Variants in C2orf76 observed in about 807,000 individuals in gnomAD.
C2orf76 encodes the protein UPF0538 protein C2orf76.
C2orf76 carries 23 observed loss-of-function variants against 16.9 expected under a neutral mutation model. That is an observed-to-expected ratio of 1.36 (90% CI 0.98 to 1.93). The LOEUF is 1.93. Ranked by LOEUF, C2orf76 falls within the 30% of genes most tolerant of loss-of-function variation. The pLI is 0.00. For synonymous variants in C2orf76, 48 were observed against 52.3 expected (o/e 0.92, Z 0.35); for missense variants, 152 against 152.6 (o/e 1.00, Z 0.02).
the C2orf76 span, among the ~76,000 whole-genome samples, chr2:119,283,305 G>A: frequency 6.6e-6 from 1 of 152,078 alleles, no homozygotes; most frequent in Non-Finnish European, 1.5e-5. Flanking sequence ...CTTCCAGTCC[G>A]CCTCTCAGTG....
At chr2:119,364,035 G>C (rs960874323) in intron 1 of C2orf76, among the ~76,000 whole-genome samples, 2 of 147,912 alleles carry the variant, frequency 1.4e-5, no homozygotes, top group African/African-American at 5.0e-5. Context: ...TAGAGAGAGA[G>C]AGAGAGACAG....
chr2:119,309,167 C>T (rs1048754175), intron 5 of C2orf76, among the ~76,000 whole-genome samples: 3 of 152,132 alleles, frequency 2.0e-5, no homozygotes, highest in Non-Finnish European at 2.9e-5. Flanking sequence ...GCTAGGATTA[C>T]AAGCATGAGC....
chr2:119,292,662 T>C, the C2orf76 span, among the ~76,000 whole-genome samples: 1 of 152,138 alleles, frequency 6.6e-6, no homozygotes, highest in Non-Finnish European at 1.5e-5. Flanking sequence ...CTAGAGAGTG[T>C]ATTCAGTCTA....
At chr2:119,351,799 C>G (rs1680415896) in intron 1 of C2orf76, among the ~76,000 whole-genome samples, 1 of 152,004 alleles carries the variant, frequency 6.6e-6, no homozygotes, top group Non-Finnish European at 1.5e-5. Flanking sequence ...TTGACTTCAG[C>G]TGGGAATGTA....
Position 119,311,622 on chromosome 2 carries a change from C to T in C2orf76, c.304G>A (p.Ala102Thr), listed in dbSNP as rs200198648. ...EDSTLKAAGI[A>T]SETEIAFFCE... ...AGCAACACAAGGCCCCCTTCCTCAC[C>T]GATTCCAGCTGCTTTCAGAGTGCTG... The change falls in exon 5 of 6, where the codon GCC (alanine) becomes ACC (threonine). Residue 102 changes from alanine (A) to threonine (T), a missense_variant and splice_region_variant. Transcript: ENST00000334816. The T allele has an allele frequency of 8.1e-6, 13 of 1,613,136 alleles. No individual in the cohort carries two copies. The highest frequency in any genetic ancestry group is 1.7e-5 in the Admixed American group (1 of 59,844).
intron 2 of C2orf76, among the ~76,000 whole-genome samples, chr2:119,337,803 A>C (rs1332601563): frequency 6.6e-6 from 1 of 152,214 alleles, no homozygotes; most frequent in Non-Finnish European, 1.5e-5. Flanking sequence ...GGTGGGTCTG[A>C]GCATCTCACT....
chr2:119,350,554 T>C lies in C2orf76; in HGVS notation c.-12-10583A>G, dbSNP rs959776889. Among the ~76,000 whole-genome samples, 10 of 152,140 alleles carry C rather than the reference T, an allele frequency of 6.6e-5. No individual in the cohort carries two copies. The South Asian group carries it at 1.5e-3, about 22-fold the overall frequency. ...CCATAGGAACTGCCTTGCATGGAAGTCCCAGTTCGATGGCCAGTAACCACT... is the reference window on the plus strand; with the variant it reads ...CCATAGGAACTGCCTTGCATGGAAGCCCCAGTTCGATGGCCAGTAACCACT... On this transcript the variant is annotated intron_variant, in intron 1 of 5. Coordinates refer to ENST00000334816, the MANE Select transcript of C2orf76 (RefSeq NM_001322331.2).
intron 2 of C2orf76, among the ~76,000 whole-genome samples, chr2:119,332,765 C>T (rs962103699): frequency 2.0e-4 from 30 of 152,178 alleles, no homozygotes; most frequent in Non-Finnish European, 8.8e-5. Context: ...GGGTCTTTCT[C>T]TGTTGCCCAG....
chr2:119,298,012 T>G (rs1191498925), downstream of C2orf76, among the ~76,000 whole-genome samples: 2 of 152,170 alleles, frequency 1.3e-5, no homozygotes, highest in East Asian at 3.9e-4. Context: ...TCTCACTATG[T>G]TGCCCAGGCT....
upstream of C2orf76, chr2:119,367,123 G>GC: frequency 6.2e-7 from 1 of 1,606,708 alleles, no homozygotes. Context: ...TGGGGGCTCA[G>GC]CCGGCTGCCA....
At chr2:119,292,822 G>C in the C2orf76 span, among the ~76,000 whole-genome samples, 1 of 152,264 alleles carries the variant, frequency 6.6e-6, no homozygotes, top group Admixed American at 6.5e-5. Context: ...ATCACCTGAA[G>C]TCAGGAGTTT....
chr2:119,323,193 T>G (rs1441031476), intron 2 of C2orf76, among the ~76,000 whole-genome samples: 1 of 151,038 alleles, frequency 6.6e-6, no homozygotes, highest in African/African-American at 2.4e-5. Flanking sequence ...CCCGGCATTT[T>G]TTTTTTTTTT....
At chr2:119,288,094 G>A in the C2orf76 span, among the ~76,000 whole-genome samples, 1 of 150,268 alleles carries the variant, frequency 6.7e-6, no homozygotes, top group African/African-American at 2.4e-5. Flanking sequence ...TCGTGCACTT[G>A]TCAAAACCCA....
intron 2 of C2orf76, 126 bp from the exon 3 acceptor site, chr2:119,321,330 G>A (rs905972288): frequency 1.0e-5 from 6 of 575,016 alleles, no homozygotes; most frequent in Non-Finnish European, 1.5e-5. Context: ...ACAGAACACA[G>A]AATAAATACA....
chr2:119,326,341 C>T (rs1447146078), intron 2 of C2orf76, among the ~76,000 whole-genome samples: 2 of 152,174 alleles, frequency 1.3e-5, no homozygotes, highest in African/African-American at 2.4e-5. Context: ...ACACTCTCCT[C>T]AAAAATACCT....
intron 1 of C2orf76, among the ~76,000 whole-genome samples, chr2:119,359,835 G>C (rs910314657): frequency 6.6e-6 from 1 of 152,124 alleles, no homozygotes; most frequent in East Asian, 1.9e-4. Flanking sequence ...GTGCTGTGTT[G>C]AAACGACAAA....
chr2:119,339,141 C>T (rs1172114569), intron 2 of C2orf76: 2 of 152,128 alleles, frequency 1.3e-5, no homozygotes, highest in Non-Finnish European at 2.9e-5. Flanking sequence ...TAAAGCAATA[C>T]CTTTGTCAAA....
chr2:119,288,852 T>C, the C2orf76 span, among the ~76,000 whole-genome samples: 3,048 of 152,010 alleles, frequency 0.02, 95 homozygotes, highest in African/African-American at 0.068. Context: ...GTGGCAATGG[T>C]AGAACCCACA....
At chr2:119,301,367 A>G (rs545074269), downstream of C2orf76, among the ~76,000 whole-genome samples, 16 of 152,368 alleles carry the variant, frequency 1.1e-4, no homozygotes, top group Non-Finnish European at 1.6e-4. Flanking sequence ...CATGTTAATC[A>G]GAGTTTCAAA....
Sources: allele counts gnomAD v4.1 joint callset (sites outside exome capture counted in the v4.1 genomes callset), GRCh38; gene constraint gnomAD v4.1.1; transcripts MANE v1.5; gene names NCBI Gene and HGNC (gene_info 2026-07-23, HGNC 2026-07-21).